Variants in IKZF3 observed in about 807,000 individuals in gnomAD.
IKZF3 encodes IKAROS family zinc finger 3.
IKZF3 carries 10 observed loss-of-function variants against 49.0 expected under a neutral mutation model. That is an observed-to-expected ratio of 0.20 (90% CI 0.13 to 0.35). IKZF3 has a LOEUF of 0.35. IKZF3 is among the 10% of genes least tolerant of loss of function. IKZF3 has a pLI of 1.00. For synonymous variants in IKZF3, 209 were observed against 228.2 expected, an observed-to-expected ratio of 0.92 and a Z score of 0.76; for missense variants, 498 against 664.8, an observed-to-expected ratio of 0.75 and a Z score of 2.76.
chr17:39,785,106 C>A (rs2060842086), intron 6 of IKZF3, among the ~76,000 whole-genome samples: 1 of 152,102 alleles, frequency 6.6e-6, no homozygotes, highest in South Asian at 2.1e-4. Flanking sequence ...AACCCCATGT[C>A]CACAATGGAC....
intron 1 of IKZF3, chr17:39,835,407 G>C: frequency 4.3e-6 from 2 of 469,372 alleles, no homozygotes; most frequent in Non-Finnish European, 8.5e-6. Context: ...ACACAATGGC[G>C]GCCTCCAGGG....
chr17:39,783,103 T>G (rs1335131777), intron 6 of IKZF3, among the ~76,000 whole-genome samples: 1 of 152,212 alleles, frequency 6.6e-6, no homozygotes, highest in Non-Finnish European at 1.5e-5. Context: ...TCATTAGATC[T>G]TGAAGTGTTA....
chr17:39,860,175 A>T lies in IKZF3; in HGVS notation c.7+3945T>A, dbSNP rs935964. ...TCCTAGCTACTCAGAAGGTTGAGGC[A>T]GGAGGATCGTCTGAGCCTAGGAGTT... On this transcript the variant is annotated intron_variant, in intron 1 of 7. Transcript: ENST00000346872. Among the ~76,000 whole-genome samples, 1,037 of 152,252 alleles carry T rather than the reference A, an allele frequency of 6.8e-3. 14 individuals are homozygous for T. The highest frequency in any genetic ancestry group is 0.024 in the African/African-American group (993 of 41,548).
At chr17:39,825,335 T>TCC (rs2061928262) in intron 3 of IKZF3, among the ~76,000 whole-genome samples, 1 of 152,096 alleles carries the variant, frequency 6.6e-6, no homozygotes, top group Non-Finnish European at 1.5e-5. Flanking sequence ...CATTCACAGG[T>TCC]CCCAGAGAGG....
At chr17:39,846,779 G>A (rs138016010) in intron 1 of IKZF3, among the ~76,000 whole-genome samples, 51 of 152,024 alleles carry the variant, frequency 3.4e-4, no homozygotes, top group African/African-American at 1.2e-3. Flanking sequence ...ATTGAATTAA[G>A]AATATTAGCT....
chr17:39,787,535 AACG>A (rs1567978752), intron 6 of IKZF3, among the ~76,000 whole-genome samples: 1 of 152,174 alleles, frequency 6.6e-6, no homozygotes, highest in African/African-American at 2.4e-5. Flanking sequence ...ATTTTTTGTA[AACG>A]ACAACTCCAC....
At chr17:39,848,353 T>C (rs576326510) in intron 1 of IKZF3, among the ~76,000 whole-genome samples, 18 of 152,358 alleles carry the variant, frequency 1.2e-4, no homozygotes, top group African/African-American at 4.3e-4. Flanking sequence ...CAGTTACCCT[T>C]AAGTTGTAGA....
At position 39,766,419 on chromosome 17, in the gene IKZF3, T is replaced by C. The variant is rs1414898548; in HGVS notation, c.901A>G (p.Thr301Ala). Residue 301 changes from threonine to alanine, a missense_variant, in exon 8 of 8, where the codon ACC becomes GCC. Physicochemically the swap from Thr to Ala is moderately conservative, Grantham distance 58 (BLOSUM62 0). Transcript: ENST00000346872. ...TTGATGGCTTGGTCCATCATGCGGG[T>C]CTGTATGAGCTCACTCTCTTTCTCA... ...MYEKESELIQ[T>A]RMMDQAINNA... The C allele has an allele frequency of 6.2e-7, 1 of 1,614,112 alleles. No individual in the cohort carries two copies.
chr17:39,808,559 T>C (rs1474998762), intron 3 of IKZF3, among the ~76,000 whole-genome samples: 1 of 152,210 alleles, frequency 6.6e-6, no homozygotes, highest in Non-Finnish European at 1.5e-5. Context: ...TGTTAATAAT[T>C]TAGTGTGTTT....
Position 39,791,295 on chromosome 17 carries a change from T to C in IKZF3, c.592+121A>G, listed in dbSNP as rs985728940. 3 of 1,042,498 alleles carry C rather than the reference T, an allele frequency of 2.9e-6. No homozygotes were observed. In the African/African-American group the frequency reaches 4.8e-5, roughly 17 times the overall value. The allele number at this position is 1,042,498 out of a possible 1,614,324, so 64.6% of individuals were successfully genotyped here. ...TAATTAGCCCTAGAGGTCTCTGCTGTTGTAACCCTTCAGAACAAGAATGAC... is the reference window on the plus strand; with the variant it reads ...TAATTAGCCCTAGAGGTCTCTGCTGCTGTAACCCTTCAGAACAAGAATGAC... On this transcript the variant is annotated intron_variant, in intron 5 of 7. Coordinates refer to ENST00000346872, the MANE Select transcript of IKZF3 (RefSeq NM_012481.5).
intron 3 of IKZF3, among the ~76,000 whole-genome samples, chr17:39,800,901 G>C (rs1390537903): frequency 6.6e-6 from 1 of 152,156 alleles, no homozygotes; most frequent in Non-Finnish European, 1.5e-5. Flanking sequence ...TGTTTTTACA[G>C]GCACATAAAA....
At chr17:39,848,637 A>G (rs1005055486) in intron 1 of IKZF3, among the ~76,000 whole-genome samples, 6 of 152,128 alleles carry the variant, frequency 3.9e-5, no homozygotes, top group African/African-American at 1.4e-4. Context: ...AAACTTCTAG[A>G]GGAAAACAGA....
At chr17:39,803,873 A>C (rs997566741) in intron 3 of IKZF3, among the ~76,000 whole-genome samples, 2 of 152,212 alleles carry the variant, frequency 1.3e-5, no homozygotes, top group African/African-American at 4.8e-5. Context: ...TACAATTCTT[A>C]GTAAAATTCA....
intron 1 of IKZF3, among the ~76,000 whole-genome samples, chr17:39,845,484 G>A (rs1024374762): frequency 2.1e-4 from 32 of 150,202 alleles, no homozygotes; most frequent in South Asian, 4.2e-4. Context: ...AGATTGCCCC[G>A]TTGCACTCCA....
rs116494996 is a variant in IKZF3, at chr17:39,792,120, C to T, written c.425-537G>A. 8.6e-3 allele frequency among the ~76,000 whole-genome samples: 1,306 copies of T among 152,102 alleles called. 18 individuals carry two copies. The highest frequency in any genetic ancestry group is 0.03 in the African/African-American group (1,247 of 41,494). ...GAAAAAAGAGCCAGAAACTAAAGTC[C>T]TTACAAGGTGTTGAGGGCTAGAAAT... On this transcript the variant is annotated intron_variant, in intron 4 of 7. Transcript: ENST00000346872.
chr17:39,811,352 A>G (rs953642266), intron 3 of IKZF3, among the ~76,000 whole-genome samples: 1 of 151,352 alleles, frequency 6.6e-6, no homozygotes, highest in African/African-American at 2.4e-5. Flanking sequence ...AGGGAAAGAA[A>G]GACAGAAAGG....
intron 7 of IKZF3, among the ~76,000 whole-genome samples, chr17:39,767,784 C>T (rs993276150): frequency 1.4e-4 from 22 of 152,138 alleles, no homozygotes; most frequent in Middle Eastern, 3.4e-3. Flanking sequence ...AAAAGTTGGC[C>T]GGGCGCGGTG....
chr17:39,822,106 AAAGGG>A (rs1283655320), intron 3 of IKZF3, among the ~76,000 whole-genome samples: 1 of 152,188 alleles, frequency 6.6e-6, no homozygotes, highest in African/African-American at 2.4e-5. Context: ...TTACCCTGAG[AAAGGG>A]AACTATCTGA....
chr17:39,770,395 G>A (rs558648616), intron 7 of IKZF3, among the ~76,000 whole-genome samples: 9 of 152,144 alleles, frequency 5.9e-5, no homozygotes, highest in Non-Finnish European at 1.0e-4. Context: ...AAGGCTGCCT[G>A]GTTGGGCCAT....
Sources: gnomAD v4.1 joint callset for allele counts (sites outside exome capture counted in the v4.1 genomes callset) on GRCh38, gnomAD v4.1.1 for gene constraint, MANE v1.5 for transcripts, NCBI Gene and HGNC (gene_info 2026-07-23, HGNC 2026-07-21) for gene names.